Variants in AXDND1 observed in about 807,000 individuals in gnomAD.
AXDND1 encodes the protein axonemal dynein light chain domain containing 1.
Under a neutral mutation model 137.5 loss-of-function variants are expected in AXDND1, and 110 were observed. That is an observed-to-expected ratio of 0.80 (90% CI 0.69 to 0.94). The LOEUF (loss-of-function observed/expected upper bound fraction) is 0.94, where lower values mean the gene tolerates loss of function less well. AXDND1 is among the 40% of genes least tolerant of loss of function. The probability of loss-of-function intolerance (pLI) is 0.00; values close to 1 mark genes in which losing one functional copy is unlikely to be tolerated. For synonymous variants in AXDND1, 414 were observed against 399.7 expected (o/e 1.04, Z -0.43); for missense variants, 1,191 against 1,169.8 (o/e 1.02, Z -0.26).
At chr1:179,493,021 T>C (rs991717993) in intron 20 of AXDND1, 70 bp downstream of exon 20, 8 of 1,024,416 alleles carry the variant, frequency 7.8e-6, no homozygotes, top group South Asian at 3.1e-5. Context: ...TGAAGTTCAA[T>C]TGATGTACAA....
intron 11 of AXDND1, among the ~76,000 whole-genome samples, chr1:179,400,065 C>T (rs1453678283): frequency 1.3e-5 from 2 of 152,172 alleles, no homozygotes; most frequent in African/African-American, 4.8e-5. Flanking sequence ...AGCAATCTCA[C>T]TACTGGGTAT....
intron 15 of AXDND1, among the ~76,000 whole-genome samples, chr1:179,439,803 C>T (rs557821267): frequency 3.3e-5 from 5 of 152,226 alleles, no homozygotes; most frequent in South Asian, 2.1e-4. Flanking sequence ...CCGGAGGGAC[C>T]GGGCCCATGG....
At position 179,466,282 on chromosome 1, in the gene AXDND1, C is replaced by CTTTTTTT. The variant is rs1491121382; in HGVS notation, c.1799-2159_1799-2158insTTTTTTT. The stretch of plus-strand genomic sequence containing the variant: ...TTTCTTTTCTTTCTTTCTTCTTCTT[C>CTTTTTTT]TTCTTTTTTTTTTTTTTTTTTGAGA... On this transcript the variant is annotated intron_variant, in intron 16 of 25. Coordinates refer to ENST00000367618, the MANE Select transcript of AXDND1 (RefSeq NM_144696.6). 6.3e-4 allele frequency among the ~76,000 whole-genome samples: 60 copies of CTTTTTTT among 95,648 alleles called. 2 individuals carry two copies. Among genetic ancestry groups the CTTTTTTT allele is most frequent in the South Asian group, 1.3e-3 (4 of 3,088 alleles). 62.7% of individuals were successfully genotyped at this position (95,648 alleles called of 152,430 possible). A position where few individuals can be genotyped will look rare whatever the true frequency, so the allele number is the denominator to read the frequency against.
At chr1:179,551,652 A>C in intron 25 of AXDND1, 2 of 611,364 alleles carry the variant, frequency 3.3e-6, no homozygotes, top group Non-Finnish European at 5.8e-6. Flanking sequence ...TTAAGGTGGA[A>C]TGCGTTAGGA....
At chr1:179,376,940 CT>C (rs5779021) in intron 4 of AXDND1, among the ~76,000 whole-genome samples, 16,802 of 151,042 alleles carry the variant, frequency 0.11, 1,066 homozygotes, top group African/African-American at 0.16. Context: ...GTAGTTTTTT[CT>C]TTTTTTTTGA....
At chr1:179,533,163 A>G (rs1265678663) in intron 23 of AXDND1, 1 of 152,172 alleles carries the variant, frequency 6.6e-6, no homozygotes, top group Non-Finnish European at 1.5e-5. Context: ...AGACTTTAAA[A>G]GTATATTGTT....
chr1:179,433,452 T>A (rs189007608), intron 15 of AXDND1, among the ~76,000 whole-genome samples: 24 of 152,314 alleles, frequency 1.6e-4, no homozygotes, highest in Admixed American at 1.5e-3. Context: ...CTAATTGTGA[T>A]GTTAGGGTGT....
At chr1:179,512,131 C>A (rs898723454) in intron 21 of AXDND1, among the ~76,000 whole-genome samples, 2 of 152,190 alleles carry the variant, frequency 1.3e-5, no homozygotes, top group African/African-American at 2.4e-5. Context: ...GTCATGAAAT[C>A]TTTGCCTAAG....
chr1:179,419,090 A>G (rs1447421628), intron 12 of AXDND1, among the ~76,000 whole-genome samples: 2 of 149,868 alleles, frequency 1.3e-5, no homozygotes, highest in Non-Finnish European at 3.0e-5. Context: ...CTCACTTCCT[A>G]GATGGGATGG....
Position 179,509,339 on chromosome 1 carries a change from C to G in AXDND1, c.2432C>G (p.Ser811Cys). 1 of 1,612,824 alleles carries G rather than the reference C, an allele frequency of 6.2e-7. No homozygotes were observed. Among genetic ancestry groups the G allele is most frequent in the Non-Finnish European group, 8.5e-7 (1 of 1,179,158 alleles). Residue 811 changes from serine (S) to cysteine (C), a missense_variant, in exon 21 of 26, where the codon TCT becomes TGT. Ser to Cys is a moderately radical substitution (Grantham distance 112, BLOSUM62 -1). Transcript: ENST00000367618. ...EWINTCSCLLSNIKGRKITLL... is the reference protein window; with the variant it reads ...EWINTCSCLLCNIKGRKITLL... ...ATCAACACATGCTCTTGCCTCCTTT[C>G]TAATATCAAAGGCAGAAAAATTACA...
intron 4 of AXDND1, among the ~76,000 whole-genome samples, chr1:179,378,131 A>C (rs1208871120): frequency 2.0e-5 from 3 of 152,284 alleles, no homozygotes; most frequent in African/African-American, 4.8e-5. Flanking sequence ...ATTTTGCGCC[A>C]TTGCACTCCA....
intron 25 of AXDND1, among the ~76,000 whole-genome samples, chr1:179,538,331 T>G (rs1426746858): frequency 6.6e-6 from 1 of 152,242 alleles, no homozygotes; most frequent in Admixed American, 6.5e-5. Flanking sequence ...GAGCATTTAG[T>G]GATATAAATT....
At chr1:179,396,085 C>T (rs1271798651) in intron 11 of AXDND1, among the ~76,000 whole-genome samples, 1 of 151,262 alleles carries the variant, frequency 6.6e-6, no homozygotes, top group Non-Finnish European at 1.5e-5. Context: ...ATGAGAATTG[C>T]TTGAACCCAG....
At chr1:179,521,403 G>A (rs1670047185) in intron 21 of AXDND1, among the ~76,000 whole-genome samples, 1 of 151,858 alleles carries the variant, frequency 6.6e-6, no homozygotes, top group African/African-American at 2.4e-5. Flanking sequence ...CTACAAATAG[G>A]GATAGTTTTA....
At chr1:179,474,147 C>T (rs1664319145) in intron 17 of AXDND1, among the ~76,000 whole-genome samples, 1 of 151,368 alleles carries the variant, frequency 6.6e-6, no homozygotes, top group Non-Finnish European at 1.5e-5. Context: ...ATTGCTTGAA[C>T]CTGGAAGGTA....
chr1:179,497,550 G>A (rs142924732), intron 20 of AXDND1, among the ~76,000 whole-genome samples: 6 of 152,130 alleles, frequency 3.9e-5, no homozygotes, highest in East Asian at 3.9e-4. Context: ...AGCCAACATC[G>A]TACTGAATTC....
intron 25 of AXDND1, among the ~76,000 whole-genome samples, chr1:179,541,484 T>G (rs201440921): frequency 3.3e-5 from 5 of 151,572 alleles, no homozygotes; most frequent in Non-Finnish European, 7.4e-5. Flanking sequence ...TTTTTGTTTT[T>G]TTTTTTTTTT....
At position 179,461,129 on chromosome 1, in the gene AXDND1, G is replaced by T. The variant is rs371602075; in HGVS notation, c.1799-7314G>T. 2.3e-4 allele frequency among the ~76,000 whole-genome samples: 35 copies of T among 152,254 alleles called. No homozygotes were observed. In the South Asian group the frequency reaches 6.8e-3, roughly 30 times the overall value. ...TTTTAGTCATGAAGTTCTTGCCCAT[G>T]CCTATGTCCTGAATGGTATTGCCTA... On this transcript the variant is annotated intron_variant, in intron 16 of 25. Transcript: ENST00000367618.
chr1:179,523,620 G>T (rs977371963), intron 21 of AXDND1, among the ~76,000 whole-genome samples: 2 of 152,082 alleles, frequency 1.3e-5, no homozygotes, highest in Non-Finnish European at 2.9e-5. Flanking sequence ...TCATGTAAAT[G>T]GAATTATATA....
Sources: allele counts gnomAD v4.1 joint callset (sites outside exome capture counted in the v4.1 genomes callset), GRCh38; gene constraint gnomAD v4.1.1; transcripts MANE v1.5; gene names NCBI Gene and HGNC (gene_info 2026-07-23, HGNC 2026-07-21).